Variants in TMEM45B observed in about 807,000 individuals in gnomAD.
The protein encoded by TMEM45B is transmembrane protein 45B.
In TMEM45B, 29 loss-of-function variants were observed where a neutral mutation model predicts 27.3. The ratio of observed to expected loss-of-function variants is 1.06; its 90% CI spans 0.79 to 1.45. TMEM45B has a LOEUF of 1.45. Among genes scored for constraint, TMEM45B ranks in the 40% most tolerant of loss-of-function variants. The probability of loss-of-function intolerance (pLI) is 0.00; values close to 1 mark genes in which losing one functional copy is unlikely to be tolerated. For missense variants in TMEM45B, 348 were observed against 343.9 expected, an observed-to-expected ratio of 1.01 and a Z score of -0.09; for synonymous variants, 143 against 134.7, an observed-to-expected ratio of 1.06 and a Z score of -0.43.
chr11:129,834,454 A>G (rs1180880366), intron 1 of TMEM45B, among the ~76,000 whole-genome samples: 1 of 150,058 alleles, frequency 6.7e-6, no homozygotes, highest in African/African-American at 2.5e-5. Context: ...AAACAGCAAC[A>G]GAAATGTGGA....
intron 1 of TMEM45B, among the ~76,000 whole-genome samples, chr11:129,841,600 T>G (rs924233817): frequency 5.8e-5 from 8 of 138,552 alleles, no homozygotes; most frequent in South Asian, 2.3e-4. Context: ...TTGTTTTTTT[T>G]TTTTTTTTGG....
chr11:129,854,136 C>A (rs67311620), intron 2 of TMEM45B, among the ~76,000 whole-genome samples: 24,040 of 152,166 alleles, frequency 0.16, 2,028 homozygotes, highest in South Asian at 0.29. Context: ...GGAGCCGCTT[C>A]CCTCCCTTGG....
intron 1 of TMEM45B, among the ~76,000 whole-genome samples, chr11:129,822,694 T>G (rs575600650): frequency 8.9e-4 from 136 of 152,280 alleles, no homozygotes; most frequent in African/African-American, 3.2e-3. Flanking sequence ...CGCCTGCACT[T>G]TGAAGTTGCT....
intron 2 of TMEM45B, among the ~76,000 whole-genome samples, chr11:129,854,093 G>C (rs1043532769): frequency 1.3e-5 from 2 of 152,162 alleles, no homozygotes; most frequent in African/African-American, 4.8e-5. Context: ...GGAAGGACAC[G>C]CACTCAAAAT....
chr11:129,829,852 G>A (rs1443092033), intron 1 of TMEM45B, among the ~76,000 whole-genome samples: 1 of 152,198 alleles, frequency 6.6e-6, no homozygotes, highest in Non-Finnish European at 1.5e-5. Context: ...CTGGTTATAG[G>A]CAAGGTCCTT....
At chr11:129,825,332 C>T (rs1947465396) in intron 1 of TMEM45B, among the ~76,000 whole-genome samples, 1 of 152,036 alleles carries the variant, frequency 6.6e-6, no homozygotes, top group South Asian at 2.1e-4. Flanking sequence ...AAGATTCTGG[C>T]TTTCTGGGTG....
At chr11:129,847,176 A>G (rs1947771391) in intron 1 of TMEM45B, among the ~76,000 whole-genome samples, 1 of 152,196 alleles carries the variant, frequency 6.6e-6, no homozygotes, top group South Asian at 2.1e-4. Context: ...CCACATGCAC[A>G]AAGCATTAGG....
At chr11:129,833,060 G>A (rs963061201) in intron 1 of TMEM45B, among the ~76,000 whole-genome samples, 1 of 151,768 alleles carries the variant, frequency 6.6e-6, no homozygotes, top group Non-Finnish European at 1.5e-5. Flanking sequence ...TGGCCAACAT[G>A]GTGAAACCCC....
rs542923880 is a variant in TMEM45B at position 129,837,716 on chromosome 11, AT to A, written c.-8-14749del. On this transcript the variant is annotated intron_variant, in intron 1 of 5. Transcript: ENST00000281441. ...AGGCACGCACCACCACACCCAGCTA[AT>A]TTTTTTTTTCTTTTCTTTTTGGTAG... Among the ~76,000 whole-genome samples the A allele has an allele frequency of 4.7e-3, 630 of 133,666 alleles. 9 individuals are homozygous for A. The East Asian group carries it at 0.061, about 13-fold the overall frequency. The allele number at this position is 133,666 out of a possible 152,430, so 87.7% of individuals were successfully genotyped here. A position where few individuals can be genotyped will look rare whatever the true frequency, so the allele number is the denominator to read the frequency against.
chr11:129,839,877 T>C (rs1262433146), intron 1 of TMEM45B, among the ~76,000 whole-genome samples: 1 of 152,200 alleles, frequency 6.6e-6, no homozygotes, highest in East Asian at 1.9e-4. Context: ...TGTAAGTTTG[T>C]CCTTAGATTG....
intron 1 of TMEM45B, among the ~76,000 whole-genome samples, chr11:129,834,206 G>A (rs1304112732): frequency 7.9e-5 from 12 of 152,294 alleles, no homozygotes; most frequent in South Asian, 2.1e-4. Context: ...TGAGGCAGGC[G>A]GATCACTTGA....
At chr11:129,834,277 A>G (rs692465) in intron 1 of TMEM45B, among the ~76,000 whole-genome samples, 131,612 of 150,084 alleles carry the variant, frequency 0.88, 58,310 homozygotes, top group East Asian at 0.99. Context: ...CTAAAAATAC[A>G]AAAATTATCC....
chr11:129,826,768 C>T (rs954264213), intron 1 of TMEM45B, among the ~76,000 whole-genome samples: 26 of 148,282 alleles, frequency 1.8e-4, no homozygotes, highest in Non-Finnish European at 3.6e-4. Flanking sequence ...AATGCAGTGG[C>T]GCGATCTCGG....
chr11:129,857,369 T>C lies in TMEM45B; in HGVS notation c.627T>C (p.Asp209=). 3.1e-6 allele frequency: 5 copies of C among 1,614,226 alleles called. No individual in the cohort carries two copies. Among genetic ancestry groups the C allele is most frequent in the South Asian group, 1.1e-5 (1 of 91,090 alleles). Residue 209 remains aspartate, a synonymous_variant, in exon 5 of 6, where the codon GAT becomes GAC. Transcript: ENST00000281441. The part of the protein sequence containing the change: ...FGTPEWDQKD[D]ANLMFITMCF... ...CACCCGAATGGGACCAGAAGGATGA[T>C]GCCAACCTCATGTTCATCACCATGT... is the stretch of plus-strand genomic sequence containing the variant.
rs1591452755 is a variant in TMEM45B at position 129,854,556 on chromosome 11, A to G, written c.179-54A>G. On this transcript the variant is annotated intron_variant, in intron 2 of 5. Coordinates refer to ENST00000281441, the MANE Select transcript of TMEM45B (RefSeq NM_138788.5). ...TGCCTTTGGGTTATTCCTTGCTCCT[A>G]TTTGTCTTAGAGCTACTCTTCCCTC... 3.2e-6 allele frequency: 5 copies of G among 1,572,440 alleles called. No homozygotes were observed. The East Asian group carries it at 6.8e-5, about 21-fold the overall frequency.
At chr11:129,856,587 T>C (rs1947929673) in intron 4 of TMEM45B, among the ~76,000 whole-genome samples, 1 of 115,464 alleles carries the variant, frequency 8.7e-6, no homozygotes, top group Non-Finnish European at 1.7e-5. Context: ...TGAGACAGAG[T>C]CTCGCTTTGT....
intron 2 of TMEM45B, among the ~76,000 whole-genome samples, chr11:129,854,338 G>A (rs1947889477): frequency 6.6e-6 from 1 of 152,138 alleles, no homozygotes; most frequent in Non-Finnish European, 1.5e-5. Flanking sequence ...GGGGATCTAT[G>A]TGTGTGTGGT....
intron 1 of TMEM45B, among the ~76,000 whole-genome samples, chr11:129,848,164 G>T (rs1431919506): frequency 6.6e-6 from 1 of 152,096 alleles, no homozygotes; most frequent in Non-Finnish European, 1.5e-5. Context: ...GCCAAGGCAG[G>T]CAGCTGGGAG....
intron 1 of TMEM45B, among the ~76,000 whole-genome samples, chr11:129,833,056 A>C (rs1160225426): frequency 6.6e-6 from 1 of 151,930 alleles, no homozygotes; most frequent in East Asian, 1.9e-4. Flanking sequence ...AGCCTGGCCA[A>C]CATGGTGAAA....
Sources: allele counts gnomAD v4.1 joint callset (sites outside exome capture counted in the v4.1 genomes callset), GRCh38; gene constraint gnomAD v4.1.1; transcripts MANE v1.5; gene names NCBI Gene and HGNC (gene_info 2026-07-23, HGNC 2026-07-21).